BTBD9: variants seen among roughly 807,000 people sequenced by gnomAD.
BTBD9 encodes the protein BTB domain containing 9, also known as BTB/POZ domain-containing protein 9.
A neutral mutation model predicts 64.3 loss-of-function variants in BTBD9; 49 were observed. The observed-to-expected ratio is 0.76, with a 90% CI of 0.61 to 0.97. The LOEUF is 0.97. BTBD9 is among the 50% of genes least tolerant of loss of function. The probability of loss-of-function intolerance (pLI) is 0.00; values close to 1 mark genes in which losing one functional copy is unlikely to be tolerated. For synonymous variants in BTBD9, 260 were observed against 274.7 expected (o/e 0.95, Z 0.53); for missense variants, 598 against 762.1 (o/e 0.78, Z 2.53).
intron 6 of BTBD9, among the ~76,000 whole-genome samples, chr6:38,407,624 A>G (rs1382125454): frequency 1.3e-5 from 2 of 152,328 alleles, no homozygotes; most frequent in East Asian, 3.9e-4. Flanking sequence ...TAACTTGGAA[A>G]AAGGGAGCTA....
intron 6 of BTBD9, among the ~76,000 whole-genome samples, chr6:38,463,631 T>C (rs1322421200): frequency 6.6e-6 from 1 of 152,244 alleles, no homozygotes; most frequent in Non-Finnish European, 1.5e-5. Flanking sequence ...ACATGATGTT[T>C]AGTTTGTGTT....
chr6:38,560,090 TA>T (rs1392670853), intron 6 of BTBD9, among the ~76,000 whole-genome samples: 3 of 152,058 alleles, frequency 2.0e-5, no homozygotes, highest in Non-Finnish European at 2.9e-5. Context: ...CTAATTAAAC[TA>T]AAGTTTTGCA....
intron 9 of BTBD9, among the ~76,000 whole-genome samples, chr6:38,247,919 T>C (rs775381755): frequency 3.9e-5 from 6 of 152,132 alleles, no homozygotes; most frequent in Non-Finnish European, 7.4e-5. Flanking sequence ...AAAACACTTA[T>C]GGCTCTAGCA....
At chr6:38,348,475 G>A (rs992747687) in intron 6 of BTBD9, among the ~76,000 whole-genome samples, 2 of 152,166 alleles carry the variant, frequency 1.3e-5, no homozygotes, top group Non-Finnish European at 1.5e-5. Flanking sequence ...TTCTTGCTGA[G>A]GTCCTCAACA....
intron 7 of BTBD9, among the ~76,000 whole-genome samples, chr6:38,336,451 G>T (rs1204805718): frequency 6.6e-6 from 1 of 152,184 alleles, no homozygotes; most frequent in East Asian, 1.9e-4. Context: ...GGAGAAGAAA[G>T]GCACCTTCTT....
intron 10 of BTBD9, 111 bp downstream of exon 10, chr6:38,192,408 G>T: frequency 1.0e-6 from 1 of 960,082 alleles, no homozygotes; most frequent in Non-Finnish European, 1.6e-6. Context: ...CAAGCTGTCT[G>T]AATAGCAGGC....
intron 6 of BTBD9, among the ~76,000 whole-genome samples, chr6:38,514,709 C>T (rs1772932465): frequency 1.3e-5 from 2 of 152,116 alleles, no homozygotes; most frequent in Non-Finnish European, 2.9e-5. Context: ...TGGTGATGTG[C>T]TTTCAGTGGG....
intron 1 of BTBD9, among the ~76,000 whole-genome samples, chr6:38,632,025 G>T (rs1184355712): frequency 1.3e-5 from 2 of 152,192 alleles, no homozygotes; most frequent in Admixed American, 1.3e-4. Flanking sequence ...CTACTCCAGA[G>T]GCTGAGGCAG....
At chr6:38,484,793 T>A (rs945219759) in intron 6 of BTBD9, among the ~76,000 whole-genome samples, 18 of 152,334 alleles carry the variant, frequency 1.2e-4, no homozygotes, top group African/African-American at 3.4e-4. Context: ...ATCATCTGAG[T>A]CTCAAGTGAG....
At chr6:38,197,460 T>C (rs1006853188) in intron 9 of BTBD9, among the ~76,000 whole-genome samples, 6 of 152,216 alleles carry the variant, frequency 3.9e-5, no homozygotes, top group African/African-American at 9.6e-5. Flanking sequence ...CAGAATATTA[T>C]TGACACCTCA....
rs566966213 is a variant in BTBD9 at position 38,464,444 on chromosome 6, A to C, written c.1154+113156T>G. ...ATGGATTGCTGGGTTCAATTTGTTA[A>C]AATTTTTAAATTCTGTGTTCCATGA... On this transcript the variant is annotated intron_variant, in intron 6 of 10. Transcript: ENST00000481247. Among the ~76,000 whole-genome samples, 10 of 150,556 alleles carry C rather than the reference A, an allele frequency of 6.6e-5. No homozygotes were observed. In the East Asian group the frequency reaches 1.4e-3, roughly 20 times the overall value.
chr6:38,414,766 C>A (rs947465174), intron 6 of BTBD9, among the ~76,000 whole-genome samples: 12 of 152,290 alleles, frequency 7.9e-5, no homozygotes, highest in African/African-American at 2.6e-4. Context: ...CAGTATCCTT[C>A]TCCTTTATGC....
intron 4 of BTBD9, 59 bp from the exon 5 acceptor site, chr6:38,580,496 GA>G: frequency 1.4e-6 from 2 of 1,409,214 alleles, no homozygotes; most frequent in Non-Finnish European, 2.0e-6. Context: ...TGTATTTTTT[GA>G]AAAAAATACA....
chr6:38,519,367 G>T (rs1230788214), intron 6 of BTBD9, among the ~76,000 whole-genome samples: 1 of 152,188 alleles, frequency 6.6e-6, no homozygotes, highest in East Asian at 1.9e-4. Flanking sequence ...TACCTATGCT[G>T]AAGTATTTAG....
intron 6 of BTBD9, among the ~76,000 whole-genome samples, chr6:38,473,625 C>T (rs1289448291): frequency 6.6e-6 from 1 of 152,144 alleles, no homozygotes; most frequent in Non-Finnish European, 1.5e-5. Context: ...TCTTATTCAC[C>T]TTTCATTCAT....
At chr6:38,411,644 A>G (rs913130792) in intron 6 of BTBD9, among the ~76,000 whole-genome samples, 3 of 152,206 alleles carry the variant, frequency 2.0e-5, no homozygotes, top group Non-Finnish European at 2.9e-5. Context: ...AATATTAAGC[A>G]TAAAAAAAAT....
intron 6 of BTBD9, among the ~76,000 whole-genome samples, chr6:38,360,505 A>AC (rs1764905994): frequency 6.6e-6 from 1 of 152,216 alleles, no homozygotes; most frequent in Non-Finnish European, 1.5e-5. Context: ...ACATTCTGTT[A>AC]TATAAATTCC....
intron 1 of BTBD9, among the ~76,000 whole-genome samples, chr6:38,609,765 C>A (rs933211178): frequency 7.9e-5 from 12 of 152,196 alleles, no homozygotes; most frequent in African/African-American, 1.4e-4. Context: ...ATATTGAATT[C>A]TCTTTCTTTT....
At chr6:38,415,823 C>T (rs1767640571) in intron 6 of BTBD9, among the ~76,000 whole-genome samples, 1 of 151,936 alleles carries the variant, frequency 6.6e-6, no homozygotes, top group Non-Finnish European at 1.5e-5. Flanking sequence ...TCCACTGATC[C>T]TCCATTCTTG....
Sources: allele counts gnomAD v4.1 joint callset (sites outside exome capture counted in the v4.1 genomes callset), GRCh38; gene constraint gnomAD v4.1.1; transcripts MANE v1.5; gene names NCBI Gene and HGNC (gene_info 2026-07-23, HGNC 2026-07-21).